F13A1: variants seen among roughly 807,000 people sequenced by gnomAD.
The protein encoded by F13A1 is FSF, A subunit.
Under a neutral mutation model 80.1 loss-of-function variants are expected in F13A1, and 47 were observed. The ratio of observed to expected loss-of-function variants is 0.59; its 90% confidence interval spans 0.46 to 0.75. The LOEUF (loss-of-function observed/expected upper bound fraction) is 0.75, where lower values mean the gene tolerates loss of function less well. Among genes scored for constraint, F13A1 ranks in the 30% least tolerant of loss-of-function variants. F13A1 has a pLI of 0.00. For missense variants in F13A1, 817 were observed against 930.4 expected, an observed-to-expected ratio of 0.88 and a Z score of 1.59; for synonymous variants, 349 against 344.9, an observed-to-expected ratio of 1.01 and a Z score of -0.13.
At chr6:6,224,132 T>C (rs1757239141) in intron 7 of F13A1, among the ~76,000 whole-genome samples, 1 of 152,158 alleles carries the variant, frequency 6.6e-6, no homozygotes. Flanking sequence ...GAGGGAAAGA[T>C]TGTTCATTAT....
intron 3 of F13A1, among the ~76,000 whole-genome samples, chr6:6,295,374 G>C (rs1165155526): frequency 6.9e-6 from 1 of 144,264 alleles, no homozygotes; most frequent in Non-Finnish European, 1.5e-5. Flanking sequence ...GTGTAAAATT[G>C]TTCCTATTTC....
intron 3 of F13A1, among the ~76,000 whole-genome samples, chr6:6,283,254 A>G (rs960373779): frequency 3.9e-5 from 6 of 152,268 alleles, no homozygotes; most frequent in Non-Finnish European, 8.8e-5. Flanking sequence ...TCAAAGCAAG[A>G]TTATGAATCT....
At chr6:6,299,541 C>T (rs1395459348) in intron 3 of F13A1, among the ~76,000 whole-genome samples, 21 of 135,364 alleles carry the variant, frequency 1.6e-4, no homozygotes, top group Middle Eastern at 3.4e-3. Flanking sequence ...TTGATCGCAT[C>T]GGCTCCTGAG....
chr6:6,306,132 G>A (rs535483014), intron 2 of F13A1, among the ~76,000 whole-genome samples: 144 of 152,322 alleles, frequency 9.5e-4, no homozygotes, highest in African/African-American at 3.4e-3. Flanking sequence ...AGGAAAGAGA[G>A]GGAGCAGGTC....
At chr6:6,169,800 C>T (rs1760740698) in intron 12 of F13A1, among the ~76,000 whole-genome samples, 1 of 152,184 alleles carries the variant, frequency 6.6e-6, no homozygotes, top group African/African-American at 2.4e-5. Flanking sequence ...AACCAAGAAA[C>T]CCCGCATAGG....
At chr6:6,257,942 G>T (rs914463074) in intron 4 of F13A1, among the ~76,000 whole-genome samples, 1 of 152,154 alleles carries the variant, frequency 6.6e-6, no homozygotes, top group Non-Finnish European at 1.5e-5. Flanking sequence ...CTGTGCCCTT[G>T]TTGGTATGCT....
intron 4 of F13A1, among the ~76,000 whole-genome samples, chr6:6,258,728 T>C (rs1256807725): frequency 6.6e-6 from 1 of 152,234 alleles, no homozygotes; most frequent in Non-Finnish European, 1.5e-5. Flanking sequence ...TGATGCATAC[T>C]ATTTTATTTA....
At chr6:6,313,460 A>C (rs1674048) in intron 2 of F13A1, among the ~76,000 whole-genome samples, 2 of 151,454 alleles carry the variant, frequency 1.3e-5, no homozygotes, top group Non-Finnish European at 2.9e-5. Context: ...CTGTCCTCCT[A>C]CTTTTTGTCT....
Position 6,224,729 on chromosome 6 carries a change from G to A in F13A1, c.930C>T (p.Val310=), listed in dbSNP as rs1023548082. 18 of 1,613,988 alleles carry A rather than the reference G, an allele frequency of 1.1e-5. No individual in the cohort carries two copies. The highest frequency in any genetic ancestry group is 1.5e-5 in the Non-Finnish European group (18 of 1,179,992). The change falls in exon 7 of 15, where the codon GTC becomes GTT. Residue 310 remains valine, a synonymous_variant. Coordinates refer to ENST00000264870, the MANE Select transcript of F13A1 (RefSeq NM_000129.4). ...LLEYRSSENP[V]RYGQCWVFAG... is the part of the protein sequence containing the mutation. The stretch of plus-strand genomic sequence containing the variant: ...CAAAAACCCAGCATTGGCCATACCG[G>A]ACTGGATTCTCAGAGCTCCGGTATT...
Position 6,151,835 on chromosome 6 carries a change from T to G in F13A1, c.2023A>C (p.Arg675=). ...TACCGGAACATCTTCTTCATTGGTC[T>G]TGTTACTCCAGGACCATCCAGGTGT... ...WVHLDGPGVT[R]PMKKMFREIR... Residue 675 remains arginine, a synonymous_variant, in exon 14 of 15, where the codon AGA becomes CGA. Transcript: ENST00000264870. 6.2e-7 allele frequency: 1 copy of G among 1,614,098 alleles called. No individual in the cohort carries two copies. Among genetic ancestry groups the G allele is most frequent in the Non-Finnish European group, 8.5e-7 (1 of 1,179,974 alleles).
intron 11 of F13A1, among the ~76,000 whole-genome samples, chr6:6,181,243 G>A (rs1006786803): frequency 6.6e-6 from 1 of 152,154 alleles, no homozygotes; most frequent in Non-Finnish European, 1.5e-5. Context: ...TGGACTAAAT[G>A]CCCCTACTTA....
At position 6,284,819 on chromosome 6, in the gene F13A1, C is replaced by A. The variant is rs1038518612; in HGVS notation, c.320-18010G>T. ...GCTCCCAGTTCCTCAAGAGTCATCT[C>A]AAGACCTCCCTGCCCTTTTCTGAGA... On this transcript the variant is annotated intron_variant, in intron 3 of 14. Transcript: ENST00000264870. Among the ~76,000 whole-genome samples, 6 of 152,330 alleles carry A rather than the reference C, an allele frequency of 3.9e-5. No individual in the cohort carries two copies. The East Asian group carries it at 1.2e-3, about 29-fold the overall frequency.
At chr6:6,275,291 G>A (rs991426488) in intron 3 of F13A1, among the ~76,000 whole-genome samples, 19 of 152,286 alleles carry the variant, frequency 1.2e-4, no homozygotes, top group South Asian at 2.1e-4. Context: ...AGCCATAGGC[G>A]ACCCCAGGTT....
chr6:6,293,308 C>G (rs916522056), intron 3 of F13A1, among the ~76,000 whole-genome samples: 1 of 152,050 alleles, frequency 6.6e-6, no homozygotes, highest in Non-Finnish European at 1.5e-5. Flanking sequence ...AAAGCAGGGG[C>G]CCATGTCAAA....
chr6:6,149,176 G>T (rs938353270), intron 14 of F13A1, among the ~76,000 whole-genome samples: 1 of 151,998 alleles, frequency 6.6e-6, no homozygotes, highest in South Asian at 2.1e-4. Context: ...TTAACAGTAG[G>T]TATTGTATAT....
At chr6:6,294,893 C>T (rs9717302) in intron 3 of F13A1, among the ~76,000 whole-genome samples, 1 of 112,236 alleles carries the variant, frequency 8.9e-6, no homozygotes, top group Admixed American at 9.8e-5. Context: ...ATCCCTCCCC[C>T]CTCCCCCCAC....
intron 4 of F13A1, among the ~76,000 whole-genome samples, chr6:6,262,888 T>C (rs777526457): frequency 8.5e-5 from 13 of 152,076 alleles, no homozygotes; most frequent in Admixed American, 4.6e-4. Flanking sequence ...AGGATTTCAC[T>C]CCTGAAACTT....
intron 4 of F13A1, among the ~76,000 whole-genome samples, chr6:6,263,419 G>A (rs893241092): frequency 6.6e-6 from 1 of 152,156 alleles, no homozygotes; most frequent in Non-Finnish European, 1.5e-5. Context: ...ATCTATCAAT[G>A]TGTCTGGCTC....
intron 8 of F13A1, among the ~76,000 whole-genome samples, chr6:6,208,609 A>T (rs946441353): frequency 6.6e-6 from 1 of 152,198 alleles, no homozygotes; most frequent in Non-Finnish European, 1.5e-5. Flanking sequence ...CATCATATTC[A>T]AACTGTCAAA....
Sources: allele counts gnomAD v4.1 joint callset (sites outside exome capture counted in the v4.1 genomes callset), GRCh38; gene constraint gnomAD v4.1.1; transcripts MANE v1.5; gene names NCBI Gene and HGNC (gene_info 2026-07-23, HGNC 2026-07-21).